PPARGC1A: variants seen among roughly 807,000 people sequenced by gnomAD.
PPARGC1A encodes the protein peroxisome proliferator-activated receptor gamma coactivator 1-alpha.
In PPARGC1A, 25 loss-of-function variants were observed where a neutral mutation model predicts 88.7. That is an observed-to-expected ratio of 0.28 (90% CI 0.21 to 0.39). The LOEUF is 0.39. Among genes scored for constraint, PPARGC1A ranks in the 10% least tolerant of loss-of-function variants. The pLI is 1.00. For synonymous variants in PPARGC1A, 363 were observed against 355.6 expected, an observed-to-expected ratio of 1.02 and a Z score of -0.24; for missense variants, 880 against 968.7, an observed-to-expected ratio of 0.91 and a Z score of 1.22.
the PPARGC1A span, among the ~76,000 whole-genome samples, chr4:24,052,639 A>G: frequency 6.5e-4 from 24 of 36,754 alleles, no homozygotes; most frequent in African/African-American, 1.6e-3. Context: ...TACATCTCAG[A>G]AAAAAAAAAA....
chr4:24,012,704 T>C, the PPARGC1A span, among the ~76,000 whole-genome samples: 5 of 152,140 alleles, frequency 3.3e-5, no homozygotes, highest in Non-Finnish European at 7.4e-5. Flanking sequence ...TCTTTACTCA[T>C]TCAGATCAGG....
chr4:24,349,181 G>T, the PPARGC1A span, among the ~76,000 whole-genome samples: 1 of 152,202 alleles, frequency 6.6e-6, no homozygotes, highest in East Asian at 1.9e-4. Context: ...GTGGATACCG[G>T]TGCCTGTTCT....
At chr4:24,033,406 G>GACAC in the PPARGC1A span, among the ~76,000 whole-genome samples, 3 of 91,580 alleles carry the variant, frequency 3.3e-5, no homozygotes, top group African/African-American at 1.4e-4. Context: ...GATGTAGACA[G>GACAC]ACAGACACAC....
At chr4:23,923,894 A>T in the PPARGC1A span, among the ~76,000 whole-genome samples, 136 of 152,202 alleles carry the variant, frequency 8.9e-4, no homozygotes, top group Non-Finnish European at 4.4e-5. Context: ...AAGCTATGTC[A>T]TTTTCCTTGA....
At chr4:24,014,218 C>A in the PPARGC1A span, among the ~76,000 whole-genome samples, 1 of 152,076 alleles carries the variant, frequency 6.6e-6, no homozygotes, top group Non-Finnish European at 1.5e-5. Context: ...TTGCAAAAGC[C>A]CCAGCTGAAG....
At chr4:24,436,751 G>A in the PPARGC1A span, among the ~76,000 whole-genome samples, 9 of 139,004 alleles carry the variant, frequency 6.5e-5, no homozygotes, top group African/African-American at 2.6e-4. Flanking sequence ...GGGTCACAGA[G>A]CTGACATCGA....
the PPARGC1A span, among the ~76,000 whole-genome samples, chr4:24,065,601 A>C: frequency 6.6e-6 from 1 of 152,148 alleles, no homozygotes; most frequent in Non-Finnish European, 1.5e-5. Flanking sequence ...CTCTGTCTGC[A>C]GAAGTTGTAT....
At chr4:24,202,282 A>G in the PPARGC1A span, among the ~76,000 whole-genome samples, 1 of 152,172 alleles carries the variant, frequency 6.6e-6, no homozygotes, top group South Asian at 2.1e-4. Flanking sequence ...CGTGAAGCTC[A>G]TTTCTACACA....
At chr4:24,399,953 T>G in the PPARGC1A span, among the ~76,000 whole-genome samples, 3 of 151,916 alleles carry the variant, frequency 2.0e-5, no homozygotes, top group Admixed American at 6.6e-5. Context: ...ACCTGGCTAA[T>G]TTTTGTAATT....
At chr4:23,863,049 A>G (rs188632511) in intron 2 of PPARGC1A, among the ~76,000 whole-genome samples, 1 of 152,168 alleles carries the variant, frequency 6.6e-6, no homozygotes, top group African/African-American at 2.4e-5. Flanking sequence ...AATTCTCCAA[A>G]TCACCCAAGG....
chr4:24,114,123 C>CAAAA, the PPARGC1A span, among the ~76,000 whole-genome samples: 77 of 60,538 alleles, frequency 1.3e-3, 1 homozygote, highest in Middle Eastern at 0.012. Flanking sequence ...GACTCCATCA[C>CAAAA]AAAAAAAAAA....
At chr4:24,002,599 T>G in the PPARGC1A span, among the ~76,000 whole-genome samples, 1 of 136,454 alleles carries the variant, frequency 7.3e-6, no homozygotes, top group Non-Finnish European at 1.6e-5. Context: ...CAAAAGTGCA[T>G]GCTGCTTTTT....
the PPARGC1A span, among the ~76,000 whole-genome samples, chr4:24,367,278 T>G: frequency 2.0e-5 from 3 of 152,098 alleles, no homozygotes; most frequent in African/African-American, 7.2e-5. Context: ...ATCAGAGAAA[T>G]GTACACTAAA....
At chr4:24,005,688 C>T in the PPARGC1A span, among the ~76,000 whole-genome samples, 1 of 151,964 alleles carries the variant, frequency 6.6e-6, no homozygotes, top group Non-Finnish European at 1.5e-5. Flanking sequence ...AGAACAAATG[C>T]CAAGAATGAT....
the PPARGC1A span, among the ~76,000 whole-genome samples, chr4:24,260,945 C>T: frequency 1.3e-5 from 2 of 152,228 alleles, no homozygotes; most frequent in Admixed American, 1.3e-4. Context: ...TCCACCTTGA[C>T]GCTTCCCCAA....
intron 2 of PPARGC1A, among the ~76,000 whole-genome samples, chr4:23,875,588 G>A (rs2148794962): frequency 6.6e-6 from 1 of 151,618 alleles, no homozygotes; most frequent in Middle Eastern, 3.4e-3. Flanking sequence ...CTTATGAACA[G>A]CCCGGAATAG....
At chr4:24,389,862 C>T in the PPARGC1A span, among the ~76,000 whole-genome samples, 4 of 152,018 alleles carry the variant, frequency 2.6e-5, no homozygotes, top group Admixed American at 1.3e-4. Context: ...TAGCTAAGGG[C>T]TAAGGGAGGC....
the PPARGC1A span, among the ~76,000 whole-genome samples, chr4:24,097,432 C>T: frequency 9.2e-5 from 14 of 152,300 alleles, no homozygotes; most frequent in Non-Finnish European, 1.5e-4. Flanking sequence ...CTACTGCCCA[C>T]GTTATACATT....
At chr4:24,471,017 C>T in the PPARGC1A span, among the ~76,000 whole-genome samples, 3 of 151,274 alleles carry the variant, frequency 2.0e-5, no homozygotes, top group Non-Finnish European at 4.4e-5. This position sits in a 1 kb window ranked among gnomAD's most constrained non-coding sequence, Gnocchi z 5.4. Flanking sequence ...GCCCCGGGCC[C>T]GGGAGGGAGC....
Sources: gnomAD v4.1 joint callset for allele counts (sites outside exome capture counted in the v4.1 genomes callset) on GRCh38, gnomAD v4.1.1 for gene constraint, Gnocchi (gnomAD v3.1) non-coding constraint, MANE v1.5 for transcripts, NCBI Gene and HGNC (gene_info 2026-07-23, HGNC 2026-07-21) for gene names.